ANK2: variants seen among roughly 807,000 people sequenced by gnomAD.
ANK2 encodes ankyrin 2.
In ANK2, 83 loss-of-function variants were observed where a neutral mutation model predicts 360.5. The ratio of observed to expected loss-of-function variants is 0.23; its 90% CI spans 0.19 to 0.28. The LOEUF (loss-of-function observed/expected upper bound fraction) is 0.28. Ranked by LOEUF, ANK2 falls within the 10% of genes least tolerant of loss-of-function variation. The pLI is 1.00. For synonymous variants in ANK2, 1,740 were observed against 1,759.5 expected (o/e 0.99, Z 0.28); for missense variants, 4,201 against 4,795.7 (o/e 0.88, Z 3.66).
rs538879008 is a variant in ANK2, at chr4:113,273,404, T to C, written c.1486-1048T>C. On this transcript the variant is annotated intron_variant, in intron 14 of 45. Transcript: ENST00000357077. The stretch of plus-strand genomic sequence containing the variant: ...GTCTAAAATAATCATATTACTGTTA[T>C]TTATTTACTTCTTACTACCTTGGAA... 6.6e-5 allele frequency among the ~76,000 whole-genome samples: 10 copies of C among 152,356 alleles called. No individual in the cohort carries two copies. The East Asian group carries it at 1.9e-3, about 29-fold the overall frequency.
intron 39 of ANK2, among the ~76,000 whole-genome samples, chr4:113,361,206 A>C (rs2096200734): frequency 6.6e-6 from 1 of 152,132 alleles, no homozygotes; most frequent in Non-Finnish European, 1.5e-5. Flanking sequence ...ATGTTTCAAA[A>C]TCATTTTTAG....
At chr4:112,707,626 A>G in the ANK2 span, among the ~76,000 whole-genome samples, 4 of 152,238 alleles carry the variant, frequency 2.6e-5, no homozygotes, top group Admixed American at 6.5e-5. Flanking sequence ...TCATATTTTA[A>G]GCAAAAAATT....
At chr4:112,912,580 A>G (rs967640120) in intron 2 of ANK2, among the ~76,000 whole-genome samples, 2 of 152,136 alleles carry the variant, frequency 1.3e-5, no homozygotes, top group Non-Finnish European at 2.9e-5. Flanking sequence ...CTAGAAAAGT[A>G]ACCTGGAAAA....
the ANK2 span, among the ~76,000 whole-genome samples, chr4:112,777,448 G>A: frequency 6.6e-6 from 1 of 151,834 alleles, no homozygotes; most frequent in Admixed American, 6.6e-5. Context: ...TCACCGTGTT[G>A]GCCAGGATCG....
At chr4:112,991,028 C>G (rs2046557231) in intron 2 of ANK2, among the ~76,000 whole-genome samples, 1 of 151,962 alleles carries the variant, frequency 6.6e-6, no homozygotes, top group African/African-American at 2.4e-5. Flanking sequence ...AAGGCGGGTG[C>G]ATCATGAGGT....
At chr4:112,742,835 C>T in the ANK2 span, among the ~76,000 whole-genome samples, 1 of 151,970 alleles carries the variant, frequency 6.6e-6, no homozygotes, top group Admixed American at 6.6e-5. Context: ...AGCAATTCTC[C>T]TGCCTCAGCC....
At chr4:113,332,115 C>A (rs370917357) in intron 28 of ANK2, 45 bp downstream of exon 28, 15 of 1,448,350 alleles carry the variant, frequency 1.0e-5, no homozygotes, top group Non-Finnish European at 1.5e-5. Context: ...GCCCCCCATT[C>A]TTCTCCTTCT....
chr4:112,853,366 CTT>C (rs796472445), intron 1 of ANK2, among the ~76,000 whole-genome samples: 1 of 146,510 alleles, frequency 6.8e-6, no homozygotes. Flanking sequence ...CATGCCCGGC[CTT>C]TTTTTTTTTA....
chr4:112,931,338 G>A (rs1247925379), intron 2 of ANK2, among the ~76,000 whole-genome samples: 2 of 151,666 alleles, frequency 1.3e-5, no homozygotes, highest in Admixed American at 1.3e-4. Flanking sequence ...GCATAAATCT[G>A]TGGTTTTCAA....
At chr4:113,373,893 A>T (rs751831600) in intron 45 of ANK2, among the ~76,000 whole-genome samples, 2 of 152,186 alleles carry the variant, frequency 1.3e-5, no homozygotes, top group Non-Finnish European at 2.9e-5. Flanking sequence ...TTGCAGAGTT[A>T]CTAAAATCAG....
chr4:113,242,039 C>A, intron 8 of ANK2, 72 bp from the exon 9 acceptor site: 1 of 1,240,628 alleles, frequency 8.1e-7, no homozygotes, highest in Non-Finnish European at 1.2e-6. Context: ...CCTTTGTGGC[C>A]TTTAACACAA....
chr4:112,922,362 T>C (rs1290679103), intron 2 of ANK2, among the ~76,000 whole-genome samples: 1 of 152,226 alleles, frequency 6.6e-6, no homozygotes, highest in African/African-American at 2.4e-5. Context: ...TGGGTTTTTT[T>C]ACTATCCACA....
At chr4:113,093,291 A>G (rs1330632480) in intron 1 of ANK2, among the ~76,000 whole-genome samples, 1 of 152,144 alleles carries the variant, frequency 6.6e-6, no homozygotes, top group East Asian at 1.9e-4. Context: ...ACATGTCCTG[A>G]TTTCCTATAT....
At chr4:112,878,779 C>T (rs979272154) in intron 1 of ANK2, among the ~76,000 whole-genome samples, 2 of 152,128 alleles carry the variant, frequency 1.3e-5, no homozygotes, top group Admixed American at 6.6e-5. Context: ...GGACTACAGG[C>T]TCCCGCCACC....
intron 2 of ANK2, among the ~76,000 whole-genome samples, chr4:112,931,563 A>G (rs1029828935): frequency 6.7e-6 from 1 of 150,118 alleles, no homozygotes. Flanking sequence ...CAGCCTCCCG[A>G]GTAGCTGGAA....
At chr4:113,170,368 A>G (rs1172094321) in intron 1 of ANK2, among the ~76,000 whole-genome samples, 2 of 152,180 alleles carry the variant, frequency 1.3e-5, no homozygotes, top group Non-Finnish European at 2.9e-5. Flanking sequence ...ATGTATGATG[A>G]ACAGATTCTC....
intron 23 of ANK2, among the ~76,000 whole-genome samples, chr4:113,310,123 T>C (rs747301164): frequency 2.6e-5 from 4 of 152,140 alleles, no homozygotes; most frequent in Admixed American, 6.5e-5. Context: ...GAAAGATAAA[T>C]GGGAGAAATA....
chr4:112,751,345 G>C, the ANK2 span, among the ~76,000 whole-genome samples: 1 of 152,292 alleles, frequency 6.6e-6, no homozygotes, highest in African/African-American at 2.4e-5. Context: ...ACAGTTAACA[G>C]CACTGGAAAT....
At chr4:112,916,998 G>T (rs1289601233) in intron 2 of ANK2, among the ~76,000 whole-genome samples, 2 of 152,194 alleles carry the variant, frequency 1.3e-5, no homozygotes, top group Admixed American at 1.3e-4. Flanking sequence ...GAGCAGAGAG[G>T]CATGGCTTGA....
Sources: gnomAD v4.1 joint callset for allele counts (sites outside exome capture counted in the v4.1 genomes callset) on GRCh38, gnomAD v4.1.1 for gene constraint, MANE v1.5 for transcripts, NCBI Gene and HGNC (gene_info 2026-07-23, HGNC 2026-07-21) for gene names.